SLC26A9: variants seen among roughly 807,000 people sequenced by gnomAD.
SLC26A9 encodes the protein anion transporter/exchanger protein 9.
A neutral mutation model predicts 87.1 loss-of-function variants in SLC26A9; 46 were observed. The observed-to-expected ratio is 0.53, with a 90% CI of 0.42 to 0.67. The LOEUF is 0.67. Among genes scored for constraint, SLC26A9 ranks in the 30% least tolerant of loss-of-function variants. The pLI, the probability that SLC26A9 is intolerant of heterozygous loss-of-function variation, is 0.00. For synonymous variants in SLC26A9, 437 were observed against 409.1 expected (o/e 1.07, Z -0.82); for missense variants, 927 against 1,018.3 (o/e 0.91, Z 1.22).
chr1:205,922,625 G>A (rs1411323460), intron 16 of SLC26A9, among the ~76,000 whole-genome samples: 1 of 152,240 alleles, frequency 6.6e-6, no homozygotes, highest in Non-Finnish European at 1.5e-5. Flanking sequence ...TGCCCAGGCT[G>A]GGCGCAGTGG....
rs1658516834 is a variant in SLC26A9, at chr1:205,914,984, A to G, written c.*373T>C. The G allele has an allele frequency of 1.2e-6, 2 of 1,614,164 alleles. No individual in the cohort carries two copies. The highest frequency in any genetic ancestry group is 2.2e-5 in the South Asian group (2 of 91,086). On this transcript the variant is annotated 3_prime_UTR_variant, in exon 21 of 21. Coordinates refer to ENST00000367135, the MANE Select transcript of SLC26A9 (RefSeq NM_052934.4). ...TTGTACAGCAGGCCAGCACAGTTGT[A>G]CTTGTCCTTCTGTTTTTGGCTCACT...
At chr1:205,927,408 C>G in intron 10 of SLC26A9, 84 bp downstream of exon 10, 1 of 1,542,536 alleles carries the variant, frequency 6.5e-7, no homozygotes, top group Non-Finnish European at 8.9e-7. Flanking sequence ...CGGAGAAGAG[C>G]TGGCCTGGCT....
At chr1:205,935,605 T>C in intron 2 of SLC26A9, 91 bp downstream of exon 2, 1 of 1,566,298 alleles carries the variant, frequency 6.4e-7, no homozygotes, top group Non-Finnish European at 8.7e-7. Context: ...AACCCCATCT[T>C]AGGGATACCA....
At chr1:205,928,689 G>A (rs535755113) in intron 8 of SLC26A9, 138 bp downstream of exon 8, 2 of 780,094 alleles carry the variant, frequency 2.6e-6, no homozygotes, top group East Asian at 2.6e-5. Flanking sequence ...AACGGTAATA[G>A]TAATAATTCA....
intron 17 of SLC26A9, 138 bp downstream of exon 17, chr1:205,921,428 G>T (rs1658821848): frequency 1.8e-6 from 2 of 1,141,438 alleles, no homozygotes; most frequent in South Asian, 1.6e-5. Flanking sequence ...GGGAAAGGAG[G>T]GATTCCTAGG....
Position 205,920,238 on chromosome 1 carries a change from T to A in SLC26A9, c.2056-8A>T, listed in dbSNP as rs758019974. 1.2e-6 allele frequency: 2 copies of A among 1,613,756 alleles called. No individual in the cohort carries two copies. The highest frequency in any genetic ancestry group is 4.5e-5 in the East Asian group (2 of 44,872). ...CCCATAGGTGGAGCTCAGCTAGAAGTGTTGTTGGGGTAGGGAGGCAAAAGG... is the reference window on the plus strand; with the variant it reads ...CCCATAGGTGGAGCTCAGCTAGAAGAGTTGTTGGGGTAGGGAGGCAAAAGG... On this transcript the variant is annotated splice_region_variant and splice_polypyrimidine_tract_variant and intron_variant, in intron 17 of 20. Coordinates refer to ENST00000367135, the MANE Select transcript of SLC26A9 (RefSeq NM_052934.4).
At chr1:205,936,107 G>A (rs141848000) in intron 1 of SLC26A9, among the ~76,000 whole-genome samples, 28 of 152,256 alleles carry the variant, frequency 1.8e-4, no homozygotes, top group East Asian at 5.8e-4. Context: ...CACCTGTGGC[G>A]TCACCATCAC....
chr1:205,937,226 A>AC (rs142245823), intron 1 of SLC26A9, among the ~76,000 whole-genome samples: 64,228 of 151,802 alleles, frequency 0.42, 14,292 homozygotes, highest in Admixed American at 0.55. Context: ...GCCCGGCAAG[A>AC]CCCCACAGGT....
intron 19 of SLC26A9, 84 bp from the exon 20 acceptor site, chr1:205,917,438 G>T: frequency 1.5e-6 from 2 of 1,364,592 alleles, no homozygotes; most frequent in Non-Finnish European, 1.0e-6. Context: ...AGGGACAGGT[G>T]GCCGGCTCTG....
rs778478558 is a variant in SLC26A9 at position 205,930,008 on chromosome 1, C to T, written c.601G>A (p.Glu201Lys). ...QFGFVAIYLS[E>K]SFIRGFMTAA... ...GTCATGAAGCCCCGGATGAAGGACT[C>T]GGAGAGGTAGATGGCCACAAAGCCA... The change falls in exon 6 of 21, where the codon GAG (glutamate) becomes AAG (lysine). Residue 201 changes from glutamate (E) to lysine (K), a missense_variant. Transcript: ENST00000367135. 1.7e-5 allele frequency: 27 copies of T among 1,613,314 alleles called. No individual in the cohort carries two copies. The highest frequency in any genetic ancestry group is 2.0e-5 in the Non-Finnish European group (24 of 1,179,526).
At chr1:205,940,208 C>G (rs1045754651) in intron 1 of SLC26A9, among the ~76,000 whole-genome samples, 2 of 152,168 alleles carry the variant, frequency 1.3e-5, no homozygotes, top group African/African-American at 4.8e-5. Flanking sequence ...AGGGGTCGTG[C>G]GAGCCGGAGT....
rs780175202 is a variant in SLC26A9 at position 205,929,978 on chromosome 1, C to T, written c.631G>A (p.Ala211Thr). The T allele has an allele frequency of 1.9e-5, 30 of 1,613,690 alleles. No individual in the cohort carries two copies. The highest frequency in any genetic ancestry group is 1.6e-4 in the South Asian group (15 of 91,054). ...ESFIRGFMTAAGLQILISVLK... is the reference protein window; with the variant it reads ...ESFIRGFMTATGLQILISVLK... The stretch of plus-strand genomic sequence containing the variant: ...ACCGAAATCAGGATCTGCAGGCCGG[C>T]GGCCGTCATGAAGCCCCGGATGAAG... The change falls in exon 6 of 21, where the codon GCC becomes ACC. Residue 211 changes from alanine to threonine, a missense_variant. Coordinates refer to ENST00000367135, the MANE Select transcript of SLC26A9 (RefSeq NM_052934.4).
At position 205,914,606 on chromosome 1, in the gene SLC26A9, G is replaced by A. The variant is rs531479132; in HGVS notation, c.*751C>T. ...TCCAGGGGAAGGGAGCAGCCTCTGA[G>A]GGCAGTGATGTTTCAGGAGGCTGAG... On this transcript the variant is annotated 3_prime_UTR_variant, in exon 21 of 21. Transcript: ENST00000367135. 5.3e-6 allele frequency: 2 copies of A among 376,326 alleles called. No individual in the cohort carries two copies. Among genetic ancestry groups the A allele is most frequent in the African/African-American group, 2.0e-5 (1 of 49,490 alleles). The allele number at this position is 376,326 out of a possible 1,614,324, so 23.3% of individuals were successfully genotyped here.
At chr1:205,936,019 C>T (rs1659495944) in intron 1 of SLC26A9, among the ~76,000 whole-genome samples, 181 bp from the exon 2 acceptor site, 1 of 152,230 alleles carries the variant, frequency 6.6e-6, no homozygotes, top group African/African-American at 2.4e-5. Flanking sequence ...TCGCAGTGGC[C>T]TTCCTTCCCA....
intron 6 of SLC26A9, 134 bp downstream of exon 6, chr1:205,929,758 C>A: frequency 8.5e-7 from 1 of 1,178,392 alleles, no homozygotes; most frequent in Non-Finnish European, 1.1e-6. Context: ...ACAGAAACCC[C>A]CTCAGAATCC....
intron 5 of SLC26A9, among the ~76,000 whole-genome samples, chr1:205,931,560 G>A (rs1338590966): frequency 7.0e-6 from 1 of 143,856 alleles, no homozygotes; most frequent in Non-Finnish European, 1.5e-5. Flanking sequence ...TCTGCCTCCC[G>A]GATTCAAGTG....
chr1:205,921,592 A>G lies in SLC26A9; in HGVS notation c.2029T>C (p.Leu677=), dbSNP rs1307246511. The part of the protein sequence containing the change: ...LDMSGVSFVD[L]MGIKALAKLS... Reference sequence around the variant, plus strand: ...TTGGCCAGGGCCTTGATGCCCATCAAGTCCACGAAGCTGACTCCACTCATG... The same window carrying G: ...TTGGCCAGGGCCTTGATGCCCATCAGGTCCACGAAGCTGACTCCACTCATG... The change falls in exon 17 of 21, where the codon TTG becomes CTG. Residue 677 remains leucine (L), a synonymous_variant. Coordinates refer to ENST00000367135, the MANE Select transcript of SLC26A9 (RefSeq NM_052934.4). 3 of 1,610,898 alleles carry G rather than the reference A, an allele frequency of 1.9e-6. No homozygotes were observed. The highest frequency in any genetic ancestry group is 2.5e-6 in the Non-Finnish European group (3 of 1,179,458).
In SLC26A9 at chr1:205,927,693, G is replaced by T; in HGVS notation, c.1102-88C>A. 7 of 1,411,656 alleles carry T rather than the reference G, an allele frequency of 5.0e-6. No homozygotes were observed. In the South Asian group the frequency reaches 7.8e-5, roughly 16 times the overall value. The allele number at this position is 1,411,656 out of a possible 1,614,324, so 87.4% of individuals were successfully genotyped here. A position where few individuals can be genotyped will look rare whatever the true frequency, so the allele number is the denominator to read the frequency against. On this transcript the variant is annotated intron_variant, in intron 9 of 20. Coordinates refer to ENST00000367135, the MANE Select transcript of SLC26A9 (RefSeq NM_052934.4). ...GTCAGGCATGCAAGCTGGACTGTGG[G>T]CCTAAGACCTGAGAGTGACCCAGTG...
At chr1:205,939,305 C>A (rs967726534) in intron 1 of SLC26A9, among the ~76,000 whole-genome samples, 1 of 152,204 alleles carries the variant, frequency 6.6e-6, no homozygotes, top group African/African-American at 2.4e-5. Flanking sequence ...GATCTCAGGA[C>A]AATGTTTTCC....
Sources: allele counts gnomAD v4.1 joint callset (sites outside exome capture counted in the v4.1 genomes callset), GRCh38; gene constraint gnomAD v4.1.1; transcripts MANE v1.5; gene names NCBI Gene and HGNC (gene_info 2026-07-23, HGNC 2026-07-21).